TOP1: variants seen among roughly 807,000 people sequenced by gnomAD.
The protein encoded by TOP1 is DNA topoisomerase I.
In TOP1, 10 loss-of-function variants were observed where a neutral mutation model predicts 111.1. The observed-to-expected ratio is 0.09, with a 90% CI of 0.06 to 0.15. The LOEUF (loss-of-function observed/expected upper bound fraction) is 0.15, where lower values mean the gene tolerates loss of function less well. TOP1 is among the 10% of genes least tolerant of loss of function. TOP1 has a pLI of 1.00. For synonymous variants in TOP1, 271 were observed against 302.9 expected, an observed-to-expected ratio of 0.89 and a Z score of 1.10; for missense variants, 474 against 926.7, an observed-to-expected ratio of 0.51 and a Z score of 6.34.
intron 14 of TOP1, among the ~76,000 whole-genome samples, chr20:41,113,525 T>C (rs1394537957): frequency 6.6e-6 from 1 of 152,140 alleles, no homozygotes; most frequent in Non-Finnish European, 1.5e-5. Flanking sequence ...CCATGCTGAC[T>C]GATGCTGTGG....
intron 3 of TOP1, among the ~76,000 whole-genome samples, chr20:41,063,052 G>A (rs1285010219): frequency 6.6e-6 from 1 of 152,148 alleles, no homozygotes; most frequent in Non-Finnish European, 1.5e-5. Flanking sequence ...CCCAGGTACT[G>A]AGCATAGAAC....
intron 8 of TOP1, among the ~76,000 whole-genome samples, chr20:41,091,619 C>G (rs1186167204): frequency 6.7e-5 from 9 of 134,294 alleles, no homozygotes; most frequent in Non-Finnish European, 1.1e-4. Context: ...TGCAGTGGCA[C>G]AATCTTGGCT....
intron 2 of TOP1, among the ~76,000 whole-genome samples, chr20:41,047,541 T>A (rs375842008): frequency 1.3e-5 from 2 of 152,144 alleles, no homozygotes; most frequent in South Asian, 2.1e-4. Flanking sequence ...GGAAAAAAAT[T>A]GAAAGGAGAG....
chr20:41,122,135 C>T lies in TOP1; in HGVS notation c.2175C>T (p.Asp725=). Residue 725 remains aspartate (D), a synonymous_variant, in exon 20 of 21, where the codon GAC becomes GAT. Coordinates refer to ENST00000361337, the MANE Select transcript of TOP1 (RefSeq NM_003286.4). This position sits in a 1 kb window ranked among gnomAD's most constrained non-coding sequence, Gnocchi z 5.4. ...GAACCTCCAAACTCAATTATCTGGA[C>T]CCTAGGATCACAGTGGCTTGGTAAG... ...ALGTSKLNYL[D]PRITVAWCKK... 6.2e-7 allele frequency: 1 copy of T among 1,614,076 alleles called. No homozygotes were observed. Among genetic ancestry groups the T allele is most frequent in the Non-Finnish European group, 8.5e-7 (1 of 1,179,982 alleles).
Position 41,069,317 on chromosome 20 carries a change from A to C in TOP1, c.156-6854A>C, listed in dbSNP as rs1381075816. 6.6e-6 allele frequency among the ~76,000 whole-genome samples: 1 copy of C among 152,210 alleles called. No homozygotes were observed. The highest frequency in any genetic ancestry group is 1.5e-5 in the Non-Finnish European group (1 of 68,036). Reference sequence around the variant, plus strand: ...CCCTTTGTCTACACATCACTATATCATCCTGTCTGTGGGAAATGGACAACT... The same window carrying C: ...CCCTTTGTCTACACATCACTATATCCTCCTGTCTGTGGGAAATGGACAACT... On this transcript the variant is annotated intron_variant, in intron 3 of 20. Transcript: ENST00000361337. The surrounding 1 kb of genome is among the most constrained non-coding windows in gnomAD (Gnocchi z 4.1).
chr20:41,099,983 C>T (rs2034036881), intron 11 of TOP1, 73 bp from the exon 12 acceptor site: 7 of 1,060,638 alleles, frequency 6.6e-6, no homozygotes, highest in Middle Eastern at 3.1e-4. Context: ...CTTAGTCTCC[C>T]ACAAGAGATA....
At chr20:41,047,231 A>G (rs1328306827) in intron 2 of TOP1, among the ~76,000 whole-genome samples, 2 of 152,278 alleles carry the variant, frequency 1.3e-5, no homozygotes, top group Non-Finnish European at 2.9e-5. Flanking sequence ...CATGTGCCAC[A>G]TAACAAGATT....
At chr20:41,033,168 G>C (rs1257357361) in intron 2 of TOP1, among the ~76,000 whole-genome samples, 1 of 151,638 alleles carries the variant, frequency 6.6e-6, no homozygotes, top group African/African-American at 2.4e-5. Flanking sequence ...GTAAAAACAA[G>C]AAAATCCAGG....
In TOP1 at chr20:41,095,117, T is replaced by C. The variant is rs888656594; in HGVS notation, c.731-2103T>C. Among the ~76,000 whole-genome samples the C allele has an allele frequency of 1.3e-5, 2 of 152,180 alleles. No individual in the cohort carries two copies. The highest frequency in any genetic ancestry group is 4.8e-5 in the African/African-American group (2 of 41,436). On this transcript the variant is annotated intron_variant, in intron 9 of 20. Transcript: ENST00000361337. The surrounding 1 kb of genome is among the most constrained non-coding windows in gnomAD (Gnocchi z 4.6). Reference sequence around the variant, plus strand: ...CCCAGGCTGGAGTGCAGTGGCACAATCTTGGCTCACTGCAGCCTCCACCTC... The same window carrying C: ...CCCAGGCTGGAGTGCAGTGGCACAACCTTGGCTCACTGCAGCCTCCACCTC...
At position 41,123,055 on chromosome 20, in the gene TOP1, A is replaced by T; in HGVS notation, c.2196-140A>T. ...AATGAGTTGATCACATAAAACCTTT[A>T]GAACATGCTTGGTGCACTATTAATT... On this transcript the variant is annotated intron_variant, in intron 20 of 20. Transcript: ENST00000361337. This position sits in a 1 kb window ranked among gnomAD's most constrained non-coding sequence, Gnocchi z 5.8. The T allele has an allele frequency of 3.3e-6, 2 of 613,248 alleles. No homozygotes were observed. Among genetic ancestry groups the T allele is most frequent in the Non-Finnish European group, 5.9e-6 (2 of 339,756 alleles). The allele number at this position is 613,248 out of a possible 1,614,324, so 38.0% of individuals were successfully genotyped here.
chr20:41,034,538 G>A lies in TOP1; in HGVS notation c.58+5083G>A, dbSNP rs1039824300. Among the ~76,000 whole-genome samples the A allele has an allele frequency of 7.9e-5, 12 of 152,182 alleles. No homozygotes were observed. Among genetic ancestry groups the A allele is most frequent in the East Asian group, 1.9e-4 (1 of 5,202 alleles). On this transcript the variant is annotated intron_variant, in intron 2 of 20. Transcript: ENST00000361337. This position sits in a 1 kb window ranked among gnomAD's most constrained non-coding sequence, Gnocchi z 4.0. ...TGGACAAAGTTTGATTGGGGGTTGC[G>A]GGGAAGCTTGTAGAGGAATGTCTGT...
intron 18 of TOP1, among the ~76,000 whole-genome samples, chr20:41,120,003 G>A (rs529509142): frequency 6.6e-6 from 1 of 152,332 alleles, no homozygotes; most frequent in Admixed American, 6.5e-5. Flanking sequence ...CCGGGTTTGG[G>A]CAGCCCAGGC....
Position 41,082,656 on chromosome 20 carries a change from A to G in TOP1, c.507+1416A>G, listed in dbSNP as rs1321252427. ...GAGATGATCAGGTCCTGAATTTAGA[A>G]GGTTGCCGTTTTTTTGACAACTAGT... is the stretch of plus-strand genomic sequence containing the variant. On this transcript the variant is annotated intron_variant, in intron 7 of 20. Coordinates refer to ENST00000361337, the MANE Select transcript of TOP1 (RefSeq NM_003286.4). This position sits in a 1 kb window ranked among gnomAD's most constrained non-coding sequence, Gnocchi z 4.1. Among the ~76,000 whole-genome samples the G allele has an allele frequency of 6.6e-6, 1 of 152,194 alleles. No homozygotes were observed. The highest frequency in any genetic ancestry group is 2.4e-5 in the African/African-American group (1 of 41,446).
intron 2 of TOP1, among the ~76,000 whole-genome samples, chr20:41,049,202 T>C (rs145486343): frequency 1.8e-4 from 28 of 152,342 alleles, no homozygotes; most frequent in African/African-American, 6.0e-4. Flanking sequence ...CAGCTGCTGA[T>C]GTTTAAGAAC....
In TOP1 at chr20:41,112,313, T is replaced by TG. The variant is rs1326896169; in HGVS notation, c.1309-466dup. Among the ~76,000 whole-genome samples the TG allele has an allele frequency of 6.6e-6, 1 of 152,170 alleles. No homozygotes were observed. Among genetic ancestry groups the TG allele is most frequent in the Non-Finnish European group, 1.5e-5 (1 of 68,024 alleles). On this transcript the variant is annotated intron_variant, in intron 13 of 20. Transcript: ENST00000361337. The surrounding 1 kb of genome is among the most constrained non-coding windows in gnomAD (Gnocchi z 5.8). Reference sequence around the variant, plus strand: ...TGGCAGCAAGGCTGTGAAATTGATGTGGGAATGGGGGTGATTATGTGCTTT... The same window carrying TG: ...TGGCAGCAAGGCTGTGAAATTGATGTGGGGAATGGGGGTGATTATGTGCTTT...
In TOP1 at chr20:41,029,464, G is replaced by C. The variant is rs1255191549; in HGVS notation, c.58+9G>C. 6.5e-7 allele frequency: 1 copy of C among 1,540,648 alleles called. No homozygotes were observed. Among genetic ancestry groups the C allele is most frequent in the African/African-American group, 1.4e-5 (1 of 70,518 alleles). ...GGATTTCCGATTGAATGGTGAGTGT[G>C]CCCCCTGCGCCGACTCCGGGGCCCC... On this transcript the variant is annotated intron_variant, in intron 2 of 20. Coordinates refer to ENST00000361337, the MANE Select transcript of TOP1 (RefSeq NM_003286.4). The surrounding 1 kb of genome is among the most constrained non-coding windows in gnomAD (Gnocchi z 6.1).
intron 4 of TOP1, among the ~76,000 whole-genome samples, chr20:41,077,095 T>C (rs1399745832): frequency 6.6e-6 from 1 of 152,192 alleles, no homozygotes; most frequent in Admixed American, 6.5e-5. Context: ...TTGTTTGTTT[T>C]TTAAATAAAG....
rs2033925814 is a variant in TOP1 at position 41,091,957 on chromosome 20, G to A, written c.615-515G>A. ...TAGATTCACTTATCAGTGTTTGCTAGATAGTTCCAGGTAATGCGTAAGTAC... is the reference window on the plus strand; with the variant it reads ...TAGATTCACTTATCAGTGTTTGCTAAATAGTTCCAGGTAATGCGTAAGTAC... On this transcript the variant is annotated intron_variant, in intron 8 of 20. Transcript: ENST00000361337. Among the ~76,000 whole-genome samples, 3 of 152,146 alleles carry A rather than the reference G, an allele frequency of 2.0e-5. No individual in the cohort carries two copies. In the South Asian group the frequency reaches 6.2e-4, roughly 32 times the overall value.
In TOP1 at chr20:41,034,292, A is replaced by G. The variant is rs983751561; in HGVS notation, c.58+4837A>G. On this transcript the variant is annotated intron_variant, in intron 2 of 20. Coordinates refer to ENST00000361337, the MANE Select transcript of TOP1 (RefSeq NM_003286.4). The surrounding 1 kb of genome is among the most constrained non-coding windows in gnomAD (Gnocchi z 4.0). ...GGAACTGTCTTTTCTCCCTATTTCCATGCCTCATACATCTCAAGTTTGAGC... is the reference window on the plus strand; with the variant it reads ...GGAACTGTCTTTTCTCCCTATTTCCGTGCCTCATACATCTCAAGTTTGAGC... 4.6e-5 allele frequency among the ~76,000 whole-genome samples: 7 copies of G among 152,230 alleles called. No homozygotes were observed. The highest frequency in any genetic ancestry group is 8.8e-5 in the Non-Finnish European group (6 of 68,044).
Sources: allele counts gnomAD v4.1 joint callset (sites outside exome capture counted in the v4.1 genomes callset), GRCh38; gene constraint gnomAD v4.1.1; non-coding constraint Gnocchi (gnomAD v3.1); transcripts MANE v1.5; gene names NCBI Gene and HGNC (gene_info 2026-07-23, HGNC 2026-07-21).